Variants in TARS3 observed in about 807,000 individuals in gnomAD.
TARS3 encodes threonyl-tRNA synthetase 3.
TARS3 carries 94 observed loss-of-function variants against 103.5 expected under a neutral mutation model. That is an observed-to-expected ratio of 0.91 (90% CI 0.77 to 1.08). TARS3 has a LOEUF of 1.08. Ranked by LOEUF, TARS3 falls within the 50% of genes least tolerant of loss-of-function variation. TARS3 has a pLI of 0.00. For missense variants in TARS3, 952 were observed against 995.2 expected, an observed-to-expected ratio of 0.96 and a Z score of 0.58; for synonymous variants, 416 against 355.4, an observed-to-expected ratio of 1.17 and a Z score of -1.92.
chr15:101,707,474 T>C (rs1045667022), intron 6 of TARS3, among the ~76,000 whole-genome samples: 20 of 152,302 alleles, frequency 1.3e-4, no homozygotes, highest in African/African-American at 3.8e-4. Context: ...CAACAAAATG[T>C]GGTCTATCCG....
intron 4 of TARS3, among the ~76,000 whole-genome samples, chr15:101,713,423 T>C (rs531873502): frequency 2.0e-5 from 3 of 152,284 alleles, no homozygotes; most frequent in South Asian, 4.1e-4. Flanking sequence ...AAATTTACAT[T>C]TACACACATC....
chr15:101,668,741 A>C (rs1385985797), intron 15 of TARS3, among the ~76,000 whole-genome samples: 1 of 152,216 alleles, frequency 6.6e-6, no homozygotes, highest in Non-Finnish European at 1.5e-5. Context: ...CTGGCCAACA[A>C]CAGAGCACAT....
At chr15:101,719,369 T>C (rs1436949475) in intron 3 of TARS3, among the ~76,000 whole-genome samples, 1 of 152,198 alleles carries the variant, frequency 6.6e-6, no homozygotes, top group African/African-American at 2.4e-5. Context: ...ATCCCAGGCT[T>C]TGAGCTATGG....
rs146798822 is a variant in TARS3, at chr15:101,681,947, G to A, written c.1650+2128C>T. 2.0e-3 allele frequency among the ~76,000 whole-genome samples: 301 copies of A among 152,154 alleles called. 3 individuals carry two copies. Among genetic ancestry groups the A allele is most frequent in the Non-Finnish European group, 2.6e-3 (174 of 67,996 alleles). Reference sequence around the variant, plus strand: ...TGTTTCTTATTTGCAATTTCCAAGGGTTTATTATTATGAAATGCATATACA... The same window carrying A: ...TGTTTCTTATTTGCAATTTCCAAGGATTTATTATTATGAAATGCATATACA... On this transcript the variant is annotated intron_variant, in intron 12 of 18. Transcript: ENST00000335968.
intron 10 of TARS3, among the ~76,000 whole-genome samples, chr15:101,696,817 CACT>C (rs1200505532): frequency 1.3e-5 from 2 of 152,166 alleles, no homozygotes; most frequent in Admixed American, 1.3e-4. Flanking sequence ...CTTGTTCCAC[CACT>C]GATTTACACA....
At chr15:101,696,565 T>C (rs925762413) in intron 10 of TARS3, among the ~76,000 whole-genome samples, 4 of 152,164 alleles carry the variant, frequency 2.6e-5, no homozygotes, top group Non-Finnish European at 4.4e-5. Flanking sequence ...GCAATAGCCA[T>C]CCAGAACAGA....
chr15:101,692,986 C>A (rs185026995), intron 10 of TARS3, among the ~76,000 whole-genome samples: 22 of 152,254 alleles, frequency 1.4e-4, no homozygotes, highest in Non-Finnish European at 2.6e-4. Context: ...CAAGAGAAGC[C>A]ACTCCCCTCC....
At chr15:101,723,941 AGCAGG>A (rs61400096) in intron 1 of TARS3, 145 bp downstream of exon 1, 219,298 of 674,884 alleles carry the variant, frequency 0.32, 40,414 homozygotes, top group East Asian at 0.83. Flanking sequence ...GGGACCACCG[AGCAGG>A]GCAGGGCGGG....
chr15:101,683,972 G>T, intron 12 of TARS3, 103 bp downstream of exon 12: 1 of 1,210,224 alleles, frequency 8.3e-7, no homozygotes, highest in Non-Finnish European at 1.1e-6. Context: ...TCAGAGACTA[G>T]ACCAAACGTC....
intron 12 of TARS3, among the ~76,000 whole-genome samples, chr15:101,676,895 T>C (rs1184995098): frequency 6.6e-6 from 1 of 151,912 alleles, no homozygotes; most frequent in Non-Finnish European, 1.5e-5. Flanking sequence ...GCTCCACCTA[T>C]GAACCCGTCA....
Position 101,663,315 on chromosome 15 carries a change from A to G in TARS3, c.1968-1499T>C, listed in dbSNP as rs568735223. On this transcript the variant is annotated intron_variant, in intron 15 of 18. Transcript: ENST00000335968. ...CCAAGGAAGCTGAAAAATTCCTATC[A>G]TCTAGTGATCTGTGTTACAAGTACC... is the stretch of plus-strand genomic sequence containing the variant. Among the ~76,000 whole-genome samples, 373 of 152,328 alleles carry G rather than the reference A, an allele frequency of 2.4e-3. 3 individuals carry two copies. The highest frequency in any genetic ancestry group is 2.6e-3 in the Non-Finnish European group (179 of 68,020).
At chr15:101,707,950 G>A (rs529661018) in intron 6 of TARS3, among the ~76,000 whole-genome samples, 4 of 152,158 alleles carry the variant, frequency 2.6e-5, no homozygotes, top group African/African-American at 9.6e-5. Flanking sequence ...TGTTTTCAAA[G>A]TACATGTTTT....
chr15:101,680,704 C>A (rs1898224777), intron 12 of TARS3, among the ~76,000 whole-genome samples: 1 of 152,158 alleles, frequency 6.6e-6, no homozygotes. Context: ...GGATTCAAGT[C>A]CTTTATTTGA....
chr15:101,658,886 G>A (rs573578629), intron 16 of TARS3, among the ~76,000 whole-genome samples: 1 of 152,228 alleles, frequency 6.6e-6, no homozygotes, highest in South Asian at 2.1e-4. Context: ...TCTGCCTCCC[G>A]AGTTCAAGTG....
Position 101,701,087 on chromosome 15 carries a change from C to T in TARS3, c.1319G>A (p.Arg440Gln), listed in dbSNP as rs762297869. 5.9e-6 allele frequency: 9 copies of T among 1,523,750 alleles called. No individual in the cohort carries two copies. Among genetic ancestry groups the T allele is most frequent in the African/African-American group, 2.8e-5 (2 of 70,942 alleles). 94.4% of individuals were successfully genotyped at this position (1,523,750 alleles called of 1,614,324 possible). A position where few individuals can be genotyped will look rare whatever the true frequency, so the allele number is the denominator to read the frequency against. The change falls in exon 10 of 19, where the codon CGA becomes CAA. Residue 440 changes from arginine to glutamine, a missense_variant and splice_region_variant. By Grantham distance (43) the Arg-to-Gln change is conservative (BLOSUM62 1). This residue lies in a region of TARS3 where 540 missense variants were observed against 631.0 expected (regional missense o/e 0.86). Transcript: ENST00000335968. ...TAAAACATTTTAAAGTTAACTTACTCGTATGAAATCTGTAAGCGTATTATA... is the reference window on the plus strand; with the variant it reads ...TAAAACATTTTAAAGTTAACTTACTTGTATGAAATCTGTAAGCGTATTATA... ...FIYNTLTDFI[R>Q]EEYHKRDFTE...
intron 11 of TARS3, among the ~76,000 whole-genome samples, chr15:101,685,610 TAAGA>T (rs376964055): frequency 1.2e-3 from 188 of 152,218 alleles, no homozygotes; most frequent in African/African-American, 2.5e-3. Flanking sequence ...TGCATTACTA[TAAGA>T]AAGACAAATA....
At chr15:101,675,804 T>C (rs1000243241) in intron 12 of TARS3, 67 bp from the exon 13 acceptor site, 3 of 1,501,600 alleles carry the variant, frequency 2.0e-6, no homozygotes, top group Non-Finnish European at 2.7e-6. Context: ...AAAAATACAA[T>C]TCTTCATGTC....
chr15:101,686,813 C>G (rs1473432654), intron 10 of TARS3, among the ~76,000 whole-genome samples: 2 of 150,950 alleles, frequency 1.3e-5, no homozygotes, highest in Non-Finnish European at 2.9e-5. Flanking sequence ...ACACAAAAAG[C>G]TGAATAAGTA....
chr15:101,712,721 A>G (rs1180858570), intron 4 of TARS3, among the ~76,000 whole-genome samples: 1 of 152,256 alleles, frequency 6.6e-6, no homozygotes, highest in Non-Finnish European at 1.5e-5. Flanking sequence ...GAAATTAACC[A>G]AAGTCACCAA....
Sources: allele counts gnomAD v4.1 joint callset (sites outside exome capture counted in the v4.1 genomes callset), GRCh38; gene constraint gnomAD v4.1.1; regional missense constraint gnomAD v4.1.1; transcripts MANE v1.5; gene names NCBI Gene and HGNC (gene_info 2026-07-23, HGNC 2026-07-21).